ACSM5: variants seen among roughly 807,000 people sequenced by gnomAD.
ACSM5 encodes acyl-coenzyme A synthetase ACSM5, mitochondrial.
A neutral mutation model predicts 71.6 loss-of-function variants in ACSM5; 56 were observed. That is an observed-to-expected ratio of 0.78 (90% CI 0.63 to 0.98). The LOEUF (loss-of-function observed/expected upper bound fraction) is 0.98, where lower values mean the gene tolerates loss of function less well. Ranked by LOEUF, ACSM5 falls within the 50% of genes least tolerant of loss-of-function variation. The probability of loss-of-function intolerance (pLI) is 0.00; values close to 1 mark genes in which losing one functional copy is unlikely to be tolerated. For synonymous variants in ACSM5, 285 were observed against 281.5 expected, an observed-to-expected ratio of 1.01 and a Z score of -0.12; for missense variants, 723 against 726.0, an observed-to-expected ratio of 1.00 and a Z score of 0.05.
intron 2 of ACSM5, among the ~76,000 whole-genome samples, chr16:20,413,704 C>T (rs1297299362): frequency 1.3e-5 from 2 of 152,152 alleles, no homozygotes; most frequent in Admixed American, 6.5e-5. Context: ...TTTCCTAGGG[C>T]TTTGCACACG....
intron 5 of ACSM5, among the ~76,000 whole-genome samples, chr16:20,423,563 C>A (rs1435844888): frequency 6.6e-6 from 1 of 152,198 alleles, no homozygotes; most frequent in Non-Finnish European, 1.5e-5. Flanking sequence ...CAAGACTAAT[C>A]GTTCATTTCT....
chr16:20,440,131 A>G (rs1326861912), intron 13 of ACSM5: 29 of 687,556 alleles, frequency 4.2e-5, no homozygotes, highest in Non-Finnish European at 5.9e-5. Context: ...CCTGATCCCT[A>G]CCACAAATCA....
At chr16:20,428,018 T>TCA (rs1359828020) in intron 7 of ACSM5, 151 bp downstream of exon 7, 2 of 673,784 alleles carry the variant, frequency 3.0e-6, no homozygotes, top group African/African-American at 3.6e-5. Context: ...TGTCTCTCTC[T>TCA]CACACACACA....
chr16:20,419,099 AT>A (rs1966865790), intron 3 of ACSM5, 128 bp from the exon 4 acceptor site: 1 of 747,130 alleles, frequency 1.3e-6, no homozygotes, highest in East Asian at 2.7e-5. Flanking sequence ...GGCTGTTATT[AT>A]TATTATTGTT....
Position 20,440,892 on chromosome 16 carries a change from C to T in ACSM5, c.*465C>T, listed in dbSNP as rs1967316807. ...GAAATTCTATCTTCGGGAGTCACCA[C>T]AAAAGAAAAAAATCAAAATGCAGAA... On this transcript the variant is annotated 3_prime_UTR_variant, in exon 14 of 14. Coordinates refer to ENST00000331849, the MANE Select transcript of ACSM5 (RefSeq NM_017888.3). 6.8e-6 allele frequency: 1 copy of T among 147,482 alleles called. No homozygotes were observed. Among genetic ancestry groups the T allele is most frequent in the South Asian group, 2.1e-4 (1 of 4,756 alleles). The allele number at this position is 147,482 out of a possible 1,614,324, so 9.1% of individuals were successfully genotyped here.
At chr16:20,417,665 A>G (rs775657366) in intron 2 of ACSM5, among the ~76,000 whole-genome samples, 2 of 152,232 alleles carry the variant, frequency 1.3e-5, no homozygotes, top group Non-Finnish European at 2.9e-5. Context: ...ACTAAGAACC[A>G]GTGAGTTGTG....
chr16:20,426,792 G>A (rs1473064528), intron 6 of ACSM5, among the ~76,000 whole-genome samples: 1 of 152,144 alleles, frequency 6.6e-6, no homozygotes, highest in Non-Finnish European at 1.5e-5. Flanking sequence ...TGGGTACAGA[G>A]TTTAAGTTTG....
Position 20,421,396 on chromosome 16 carries a change from C to A in ACSM5, c.762C>A (p.Ser254Arg). The change falls in exon 5 of 14, where the codon AGC (serine) becomes AGA (arginine). Residue 254 changes from serine (S) to arginine (R), a missense_variant. Coordinates refer to ENST00000331849, the MANE Select transcript of ACSM5 (RefSeq NM_017888.3). ...GCTACGGACTGGGTTTTGTGGCCAG[C>A]GGAAGGTACCAGAGCAGCTTGTCTA... ...QSSYGLGFVA[S>R]GRRWVALTES... 3 of 1,593,646 alleles carry A rather than the reference C, an allele frequency of 1.9e-6. No individual in the cohort carries two copies. The highest frequency in any genetic ancestry group is 8.6e-7 in the Non-Finnish European group (1 of 1,168,032).
At chr16:20,418,323 C>A in intron 3 of ACSM5, 54 bp downstream of exon 3, 2 of 1,533,470 alleles carry the variant, frequency 1.3e-6, no homozygotes, top group Non-Finnish European at 1.8e-6. Flanking sequence ...CTTGCCAGAG[C>A]TTTGCAGTGT....
At chr16:20,410,851 C>G (rs535749169) in intron 1 of ACSM5, among the ~76,000 whole-genome samples, 2 of 152,012 alleles carry the variant, frequency 1.3e-5, no homozygotes, top group Non-Finnish European at 2.9e-5. Context: ...TGTGGCTAGT[C>G]CAAATTGACA....
chr16:20,439,269 C>T (rs917978151), intron 12 of ACSM5, among the ~76,000 whole-genome samples: 1 of 124,184 alleles, frequency 8.1e-6, no homozygotes, highest in African/African-American at 3.6e-5. Flanking sequence ...GGCAGAGAGA[C>T]CCAAGATGCA....
At position 20,429,901 on chromosome 16, in the gene ACSM5, T is replaced by A; in HGVS notation, c.1125+100T>A. 3.5e-6 allele frequency: 5 copies of A among 1,430,872 alleles called. No homozygotes were observed. In the South Asian group the frequency reaches 5.3e-5, roughly 15 times the overall value. The allele number at this position is 1,430,872 out of a possible 1,614,324, so 88.6% of individuals were successfully genotyped here. ...CCTGAAGCTTCTCAGGGACCACCCTTCCCCCAGGGGAGAAGCTGATAACAA... is the reference window on the plus strand; with the variant it reads ...CCTGAAGCTTCTCAGGGACCACCCTACCCCCAGGGGAGAAGCTGATAACAA... On this transcript the variant is annotated intron_variant, in intron 8 of 13. Transcript: ENST00000331849.
intron 6 of ACSM5, among the ~76,000 whole-genome samples, chr16:20,426,338 T>A (rs907683069): frequency 3.9e-5 from 6 of 152,296 alleles, no homozygotes; most frequent in South Asian, 2.1e-4. Context: ...ACTTAGCACT[T>A]TAAAACACAA....
chr16:20,417,954 C>A, intron 2 of ACSM5, 105 bp from the exon 3 acceptor site: 2 of 1,136,400 alleles, frequency 1.8e-6, no homozygotes, highest in South Asian at 1.6e-5. Context: ...GCTTTTTGAA[C>A]CCTGTGAATT....
intron 2 of ACSM5, among the ~76,000 whole-genome samples, chr16:20,417,679 T>C (rs1033931420): frequency 6.6e-6 from 1 of 152,214 alleles, no homozygotes; most frequent in Non-Finnish European, 1.5e-5. Context: ...AGTTGTGCAC[T>C]TTAAAATGGT....
At chr16:20,436,159 C>G (rs1459081491) in intron 10 of ACSM5, among the ~76,000 whole-genome samples, 4 of 141,086 alleles carry the variant, frequency 2.8e-5, no homozygotes, top group Non-Finnish European at 6.1e-5. Context: ...CCCTCCCTCC[C>G]TTCCTCCTTT....
rs61605861 is a variant in ACSM5 at position 20,421,506 on chromosome 16, A to G, written c.767+105A>G. ...GTCAGGAACGGAGGTCAGAGAGCCA[A>G]CAGAATTACTGAGAAGCCAATAGGA... On this transcript the variant is annotated intron_variant, in intron 5 of 13. Transcript: ENST00000331849. 7,507 of 1,146,600 alleles carry G rather than the reference A, an allele frequency of 6.5e-3. 244 individuals carry two copies. In the African/African-American group the frequency reaches 0.081, roughly 12 times the overall value. The allele number at this position is 1,146,600 out of a possible 1,614,324, so 71.0% of individuals were successfully genotyped here.
intron 12 of ACSM5, among the ~76,000 whole-genome samples, chr16:20,437,756 G>A (rs1204434930): frequency 6.6e-6 from 1 of 150,786 alleles, no homozygotes; most frequent in Non-Finnish European, 1.5e-5. Flanking sequence ...GATAGAATAT[G>A]TATCCAAAAT....
chr16:20,420,881 G>A (rs1966875427), intron 4 of ACSM5, among the ~76,000 whole-genome samples: 1 of 152,122 alleles, frequency 6.6e-6, no homozygotes, highest in Non-Finnish European at 1.5e-5. Flanking sequence ...ACCCCATATT[G>A]GGGGAAACCT....
Sources: allele counts gnomAD v4.1 joint callset (sites outside exome capture counted in the v4.1 genomes callset), GRCh38; gene constraint gnomAD v4.1.1; transcripts MANE v1.5; gene names NCBI Gene and HGNC (gene_info 2026-07-23, HGNC 2026-07-21).